The following LURAP1 variants were observed in gnomAD, a reference collection of about 807,000 sequenced individuals.
The protein encoded by LURAP1 is leucine rich adaptor protein 1.
A neutral mutation model predicts 19.0 loss-of-function variants in LURAP1; 14 were observed. The observed-to-expected ratio is 0.74, with a 90% confidence interval of 0.49 to 1.15. LURAP1 has a LOEUF of 1.15. LURAP1 is among the 50% of genes most tolerant of loss of function. The probability of loss-of-function intolerance (pLI) is 0.00; values close to 1 mark genes in which losing one functional copy is unlikely to be tolerated. For missense variants in LURAP1, 273 were observed against 309.1 expected (o/e 0.88, Z 0.87); for synonymous variants, 129 against 131.8 (o/e 0.98, Z 0.14).
rs762748357 is a variant in LURAP1, at chr1:46,219,796, C to T, written c.296C>T (p.Thr99Met). Residue 99 changes from threonine (T) to methionine (M), a missense_variant, in exon 2 of 2, where the codon ACG (threonine) becomes ATG (methionine). Coordinates refer to ENST00000371980, the MANE Select transcript of LURAP1 (RefSeq NM_001013615.3). ...CGCTGGCTGTTGGAGGAGCGGGGGA[C>T]GTTGACCAGTCATTGCAGCAGCCTC... ...AVRWLLEERG[T>M]LTSHCSSLTS... 41 of 1,614,172 alleles carry T rather than the reference C, an allele frequency of 2.5e-5. No individual in the cohort carries two copies. Among genetic ancestry groups the T allele is most frequent in the South Asian group, 1.8e-4 (16 of 91,080 alleles).
chr1:46,220,440 C>CT lies in LURAP1; in HGVS notation c.*227dup, dbSNP rs1482560812. The CT allele has an allele frequency of 5.6e-6, 3 of 531,780 alleles. No homozygotes were observed. The highest frequency in any genetic ancestry group is 5.2e-5 in the South Asian group (2 of 38,486). 32.9% of individuals were successfully genotyped at this position (531,780 alleles called of 1,614,324 possible). ...TAGCTTGCTCTTTCTTTCTTTCTTTCTTTTTTTGAGACAGGGTCTTATGCT... is the reference window on the plus strand; with the variant it reads ...TAGCTTGCTCTTTCTTTCTTTCTTTCTTTTTTTTGAGACAGGGTCTTATGCT... On this transcript the variant is annotated 3_prime_UTR_variant, in exon 2 of 2. Transcript: ENST00000371980.
intron 1 of LURAP1, among the ~76,000 whole-genome samples, chr1:46,214,823 C>T (rs1469860461): frequency 2.1e-5 from 3 of 139,642 alleles, no homozygotes; most frequent in South Asian, 2.4e-4. Flanking sequence ...CCAAGATGTG[C>T]GCCATTGCAC....
intron 1 of LURAP1, among the ~76,000 whole-genome samples, chr1:46,213,953 A>G (rs1453068185): frequency 6.6e-6 from 1 of 152,122 alleles, no homozygotes; most frequent in Non-Finnish European, 1.5e-5. Context: ...CTTCATACAT[A>G]CACGGTTTCT....
intron 1 of LURAP1, among the ~76,000 whole-genome samples, chr1:46,205,284 GGGGAGGAA>G (rs1658676022): frequency 1.3e-5 from 2 of 151,886 alleles, no homozygotes; most frequent in South Asian, 2.1e-4. Context: ...AGGGGAAGAA[GGGGAGGAA>G]GGGAGGAAGG....
At chr1:46,205,299 A>G (rs929586367) in intron 1 of LURAP1, among the ~76,000 whole-genome samples, 2 of 151,660 alleles carry the variant, frequency 1.3e-5, no homozygotes, top group Non-Finnish European at 2.9e-5. Context: ...GGAAGGGAGG[A>G]AGGGAGGGAG....
chr1:46,208,235 C>T (rs796844246), intron 1 of LURAP1, among the ~76,000 whole-genome samples: 3 of 152,076 alleles, frequency 2.0e-5, no homozygotes, highest in Non-Finnish European at 2.9e-5. Flanking sequence ...TCAAGCAGTC[C>T]GTTTGTGTCA....
At chr1:46,213,375 T>TTTTTTTTTTTTTTTTTTTTTTG (rs1553165553) in intron 1 of LURAP1, among the ~76,000 whole-genome samples, 4 of 150,260 alleles carry the variant, frequency 2.7e-5, no homozygotes, top group Admixed American at 6.8e-5. Context: ...ATAAATTTTT[T>TTTTTTTTTTTTTTTTTTTTTTG]AAAATGTCAT....
At chr1:46,217,272 G>T (rs1055274327) in intron 1 of LURAP1, among the ~76,000 whole-genome samples, 1 of 152,154 alleles carries the variant, frequency 6.6e-6, no homozygotes, top group Non-Finnish European at 1.5e-5. Flanking sequence ...GGAATAGATA[G>T]AACGTGTCAT....
intron 1 of LURAP1, among the ~76,000 whole-genome samples, chr1:46,211,273 A>G (rs1658885897): frequency 6.6e-6 from 1 of 152,150 alleles, no homozygotes; most frequent in Non-Finnish European, 1.5e-5. Flanking sequence ...TGAGGGTCTT[A>G]TGACCCACAA....
intron 1 of LURAP1, among the ~76,000 whole-genome samples, chr1:46,207,728 C>T (rs1371303815): frequency 7.3e-5 from 11 of 151,166 alleles, no homozygotes; most frequent in South Asian, 2.1e-4. Flanking sequence ...TTAGTAGAGA[C>T]GGGGTTTCAC....
At position 46,203,494 on chromosome 1, in the gene LURAP1, C is replaced by T. The variant is rs1262175354; in HGVS notation, c.68C>T (p.Thr23Ile). The change falls in exon 1 of 2, where the codon ACC becomes ATC. Residue 23 changes from threonine to isoleucine, a missense_variant. Coordinates refer to ENST00000371980, the MANE Select transcript of LURAP1 (RefSeq NM_001013615.3). ...RDVEGKVGRK[T>I]PEGLLRGLRG... ...GTGGAGGGTAAGGTGGGCAGGAAGA[C>T]CCCTGAAGGGCTGCTCCGCGGGCTG... 6.4e-7 allele frequency: 1 copy of T among 1,550,788 alleles called. No individual in the cohort carries two copies. Among genetic ancestry groups the T allele is most frequent in the Non-Finnish European group, 8.7e-7 (1 of 1,150,490 alleles).
Position 46,203,494 on chromosome 1 carries a change from C to A in LURAP1, c.68C>A (p.Thr23Asn). 6.4e-7 allele frequency: 1 copy of A among 1,550,906 alleles called. No homozygotes were observed. The highest frequency in any genetic ancestry group is 1.9e-5 in the Admixed American group (1 of 51,384). ...GTGGAGGGTAAGGTGGGCAGGAAGA[C>A]CCCTGAAGGGCTGCTCCGCGGGCTG... ...RDVEGKVGRKTPEGLLRGLRG... is the reference protein window; with the variant it reads ...RDVEGKVGRKNPEGLLRGLRG... Residue 23 changes from threonine to asparagine, a missense_variant, in exon 1 of 2, where the codon ACC (threonine) becomes AAC (asparagine). Physicochemically the swap from Thr to Asn is moderately conservative, Grantham distance 65. Transcript: ENST00000371980.
intron 1 of LURAP1, among the ~76,000 whole-genome samples, chr1:46,205,508 C>CA (rs1557682661): frequency 1.3e-5 from 2 of 152,206 alleles, no homozygotes; most frequent in Admixed American, 1.3e-4. Context: ...TCCCATCTTA[C>CA]AGATAAAACG....
At chr1:46,205,254 G>A (rs1658674639) in intron 1 of LURAP1, among the ~76,000 whole-genome samples, 2 of 151,906 alleles carry the variant, frequency 1.3e-5, no homozygotes, top group South Asian at 4.2e-4. Flanking sequence ...CTCAGAGCTA[G>A]ACCCTGTCTC....
At chr1:46,219,252 G>A (rs977684183) in intron 1 of LURAP1, among the ~76,000 whole-genome samples, 20 of 149,956 alleles carry the variant, frequency 1.3e-4, no homozygotes, top group South Asian at 8.4e-4. Flanking sequence ...CTGAGATCGC[G>A]CCATTGCACT....
chr1:46,208,235 C>A (rs796844246), intron 1 of LURAP1, among the ~76,000 whole-genome samples: 39 of 152,196 alleles, frequency 2.6e-4, no homozygotes, highest in African/African-American at 9.2e-4. Flanking sequence ...TCAAGCAGTC[C>A]GTTTGTGTCA....
intron 1 of LURAP1, among the ~76,000 whole-genome samples, chr1:46,216,676 C>T (rs1233298907): frequency 1.3e-5 from 2 of 152,028 alleles, no homozygotes; most frequent in Non-Finnish European, 2.9e-5. Context: ...GGGGTACCTG[C>T]GCAGGTTTGT....
At chr1:46,216,335 C>T (rs1659068088) in intron 1 of LURAP1, among the ~76,000 whole-genome samples, 1 of 151,754 alleles carries the variant, frequency 6.6e-6, no homozygotes, top group Non-Finnish European at 1.5e-5. Flanking sequence ...CATGAGCCAC[C>T]ACGCTCGGCC....
chr1:46,218,629 A>G (rs375553336), intron 1 of LURAP1, among the ~76,000 whole-genome samples: 10 of 152,326 alleles, frequency 6.6e-5, no homozygotes, highest in African/African-American at 2.4e-4. Flanking sequence ...TGCAATGCCT[A>G]TAAAGGCTCT....
Sources: allele counts gnomAD v4.1 joint callset (sites outside exome capture counted in the v4.1 genomes callset), GRCh38; gene constraint gnomAD v4.1.1; transcripts MANE v1.5; gene names NCBI Gene and HGNC (gene_info 2026-07-23, HGNC 2026-07-21).